MAGEC3: variants seen among roughly 807,000 people sequenced by gnomAD.
The protein encoded by MAGEC3 is melanoma-associated antigen C3.
A neutral mutation model predicts 35.3 loss-of-function variants in MAGEC3; 34 were observed. The observed-to-expected ratio is 0.96, with a 90% confidence interval of 0.73 to 1.28. The LOEUF is 1.28. Among genes scored for constraint, MAGEC3 ranks in the 50% most tolerant of loss-of-function variants. The pLI is 0.00. For synonymous variants in MAGEC3, 202 were observed against 185.6 expected (o/e 1.09, Z -0.72); for missense variants, 561 against 483.6 (o/e 1.16, Z -1.50).
intron 1 of MAGEC3, among the ~76,000 whole-genome samples, chrX:141,857,946 C>T (rs151162748): frequency 0.011 from 1,172 of 110,862 alleles, 20 homozygotes; most frequent in African/African-American, 0.036. Context: ...GTTCTTAATG[C>T]CTATATCTTG....
At chrX:141,891,660 T>A (rs1467838330) in intron 4 of MAGEC3, among the ~76,000 whole-genome samples, 1 of 105,426 alleles carries the variant, frequency 9.5e-6, no homozygotes, top group Non-Finnish European at 1.9e-5. Flanking sequence ...TGGTAATGTG[T>A]GTGTGTATAT....
intron 1 of MAGEC3, among the ~76,000 whole-genome samples, chrX:141,841,862 T>G (rs1357566611): frequency 8.9e-6 from 1 of 112,080 alleles, no homozygotes; most frequent in Non-Finnish European, 1.9e-5. Context: ...GCATATTTGC[T>G]GGCACATGAA....
intron 4 of MAGEC3, among the ~76,000 whole-genome samples, chrX:141,893,202 A>G (rs1284960180): frequency 1.8e-5 from 2 of 111,981 alleles, no homozygotes; most frequent in Admixed American, 1.9e-4. Flanking sequence ...TCAAATGTTG[A>G]CCTGTATGTT....
chrX:141,880,721 G>A, intron 3 of MAGEC3: 1 of 647,945 alleles, frequency 1.5e-6, no homozygotes, highest in Non-Finnish European at 2.4e-6. Context: ...CTGCCTGCCA[G>A]CTGTGCCCCG....
At chrX:141,839,898 T>C in intron 1 of MAGEC3, 1 of 522,201 alleles carries the variant, frequency 1.9e-6, no homozygotes, top group South Asian at 1.0e-4. Flanking sequence ...CTAAGCGTCT[T>C]ATTGGACAAA....
chrX:141,861,652 A>G (rs2017815850), intron 1 of MAGEC3, among the ~76,000 whole-genome samples: 1 of 111,986 alleles, frequency 8.9e-6, no homozygotes, highest in South Asian at 3.7e-4. Context: ...TCTTCAACAA[A>G]GCCATCAAGA....
chrX:141,842,240 T>G (rs2017690444), intron 1 of MAGEC3, among the ~76,000 whole-genome samples: 1 of 111,613 alleles, frequency 9.0e-6, no homozygotes, highest in Non-Finnish European at 1.9e-5. Context: ...CTTTATAAGA[T>G]GTATGCAACA....
chrX:141,844,267 A>G (rs562108164), intron 1 of MAGEC3, among the ~76,000 whole-genome samples: 9 of 111,211 alleles, frequency 8.1e-5, no homozygotes, highest in Middle Eastern at 4.6e-3. Flanking sequence ...TTGTCTGAAT[A>G]TGTCATTGTT....
At chrX:141,893,771 G>A (rs144651013) in intron 4 of MAGEC3, among the ~76,000 whole-genome samples, 1 of 106,153 alleles carries the variant, frequency 9.4e-6, no homozygotes, top group African/African-American at 3.5e-5. Context: ...TTTTCTCTCT[G>A]TATTTTTGGA....
At chrX:141,883,799 C>A (rs914952171) in intron 4 of MAGEC3, among the ~76,000 whole-genome samples, 1 of 112,848 alleles carries the variant, frequency 8.9e-6, no homozygotes, top group African/African-American at 3.2e-5. Context: ...AAAAACAGAA[C>A]AATAACAAAA....
chrX:141,863,475 TTAATAA>T (rs908962306), intron 1 of MAGEC3, among the ~76,000 whole-genome samples: 7 of 111,745 alleles, frequency 6.3e-5, no homozygotes, highest in African/African-American at 9.8e-5. Flanking sequence ...TAAATTTTAG[TTAATAA>T]TAATATATTA....
At chrX:141,895,108 G>A (rs1300256149) in intron 4 of MAGEC3, among the ~76,000 whole-genome samples, 161 bp from the exon 5 acceptor site, 2 of 87,640 alleles carry the variant, frequency 2.3e-5, no homozygotes, top group African/African-American at 4.8e-5. Context: ...GAGGGTGGGA[G>A]GGGGTAGGGA....
intron 2 of MAGEC3, among the ~76,000 whole-genome samples, chrX:141,872,785 G>A (rs923879734): frequency 1.8e-5 from 2 of 112,033 alleles, no homozygotes; most frequent in Admixed American, 1.9e-4. Context: ...AGACCTGAGG[G>A]TTTTGAGAGT....
At chrX:141,846,667 C>A (rs1172172441) in intron 1 of MAGEC3, among the ~76,000 whole-genome samples, 1 of 110,962 alleles carries the variant, frequency 9.0e-6, no homozygotes, top group Non-Finnish European at 1.9e-5. Context: ...TATGTTAATT[C>A]TACTCTGGTT....
At chrX:141,879,001 G>C (rs1243000350) in intron 2 of MAGEC3, among the ~76,000 whole-genome samples, 174 bp from the exon 3 acceptor site, 7 of 112,216 alleles carry the variant, frequency 6.2e-5, no homozygotes, top group African/African-American at 2.3e-4. Context: ...TCCCTCTCTT[G>C]CACCTTGCAG....
intron 2 of MAGEC3, among the ~76,000 whole-genome samples, chrX:141,869,381 A>C (rs765058062): frequency 1.8e-5 from 2 of 112,316 alleles, no homozygotes; most frequent in East Asian, 2.8e-4. Context: ...AAAGAAACAA[A>C]CAACCTTTAA....
At chrX:141,871,004 T>C (rs1414231171) in intron 2 of MAGEC3, among the ~76,000 whole-genome samples, 1 of 112,761 alleles carries the variant, frequency 8.9e-6, no homozygotes, top group Non-Finnish European at 1.9e-5. Flanking sequence ...TATTTTTAAA[T>C]ATTAAAGTTA....
At chrX:141,857,444 C>T (rs1204730738) in intron 1 of MAGEC3, among the ~76,000 whole-genome samples, 1 of 111,201 alleles carries the variant, frequency 9.0e-6, no homozygotes, top group Non-Finnish European at 1.9e-5. Flanking sequence ...TCTGTAGCAC[C>T]CTGTCATGTT....
intron 1 of MAGEC3, among the ~76,000 whole-genome samples, chrX:141,844,872 T>G (rs1353511767): frequency 9.0e-6 from 1 of 111,076 alleles, no homozygotes; most frequent in East Asian, 2.8e-4. Context: ...CTAGTGTAAT[T>G]GAACATTTTT....
Sources: gnomAD v4.1 joint callset for allele counts (sites outside exome capture counted in the v4.1 genomes callset) on GRCh38, gnomAD v4.1.1 for gene constraint, MANE v1.5 for transcripts, NCBI Gene and HGNC (gene_info 2026-07-23, HGNC 2026-07-21) for gene names.